The following CPEB4 variants were observed in gnomAD, a reference collection of about 807,000 sequenced individuals.
CPEB4 encodes the protein cytoplasmic polyadenylation element binding protein 4.
A neutral mutation model predicts 72.5 loss-of-function variants in CPEB4; 12 were observed. The ratio of observed to expected loss-of-function variants is 0.17; its 90% confidence interval spans 0.11 to 0.27. The LOEUF (loss-of-function observed/expected upper bound fraction) is 0.27, where lower values mean the gene tolerates loss of function less well. Ranked by LOEUF, CPEB4 falls within the 10% of genes least tolerant of loss-of-function variation. CPEB4 has a pLI of 1.00. For synonymous variants in CPEB4, 302 were observed against 326.3 expected, an observed-to-expected ratio of 0.93 and a Z score of 0.80; for missense variants, 614 against 908.5, an observed-to-expected ratio of 0.68 and a Z score of 4.17.
chr5:173,933,657 C>T (rs1757521022), intron 3 of CPEB4, among the ~76,000 whole-genome samples: 1 of 152,158 alleles, frequency 6.6e-6, no homozygotes, highest in Admixed American at 6.5e-5. Context: ...TATATATATA[C>T]ATGCAGAAGA....
intron 1 of CPEB4, among the ~76,000 whole-genome samples, chr5:173,898,582 C>T (rs1435272107): frequency 6.6e-6 from 1 of 152,192 alleles, no homozygotes; most frequent in Non-Finnish European, 1.5e-5. Flanking sequence ...GAAAGCAACT[C>T]ATCAAACAGA....
chr5:173,891,124 A>C (rs1246148881), intron 1 of CPEB4, among the ~76,000 whole-genome samples: 1 of 150,702 alleles, frequency 6.6e-6, no homozygotes, highest in South Asian at 2.3e-4. Context: ...ATTATTAACT[A>C]TAATACCTTT....
chr5:173,946,957 T>C (rs1011166340), intron 5 of CPEB4, among the ~76,000 whole-genome samples: 2 of 151,954 alleles, frequency 1.3e-5, no homozygotes, highest in African/African-American at 4.8e-5. Context: ...GTTAACCTTT[T>C]TCCCCCCCAA....
At chr5:173,892,291 C>CTTTTTTTT (rs1755842454) in intron 1 of CPEB4, among the ~76,000 whole-genome samples, 1 of 25,202 alleles carries the variant, frequency 4.0e-5, no homozygotes. Context: ...TTTTTTTTTG[C>CTTTTTTTT]CTATCAAAAA....
At position 173,960,462 on chromosome 5, in the gene CPEB4, A is replaced by G. The variant is rs1397303154; in HGVS notation, c.*4325A>G. ...CTTCAGTCATATAAGTACTGTGGCC[A>G]GTGTGCATTCTTATGTAAGCCTATA... On this transcript the variant is annotated 3_prime_UTR_variant, in exon 10 of 10. Transcript: ENST00000265085. 1.3e-5 allele frequency: 2 copies of G among 152,372 alleles called. No homozygotes were observed. Among genetic ancestry groups the G allele is most frequent in the Admixed American group, 6.5e-5 (1 of 15,284 alleles). 9.4% of individuals were successfully genotyped at this position (152,372 alleles called of 1,614,324 possible).
In CPEB4 at chr5:173,961,130, C is replaced by T. The variant is rs767824733; in HGVS notation, c.*4993C>T. ...CTTTCCCAACAGGCAGCTCTTCTAA[C>T]TATAGAGATTACTGAGGGTAAGGGC... On this transcript the variant is annotated 3_prime_UTR_variant, in exon 10 of 10. Coordinates refer to ENST00000265085, the MANE Select transcript of CPEB4 (RefSeq NM_030627.4). 6.6e-6 allele frequency: 1 copy of T among 152,156 alleles called. No individual in the cohort carries two copies. The highest frequency in any genetic ancestry group is 1.5e-5 in the Non-Finnish European group (1 of 68,028). The allele number at this position is 152,156 out of a possible 1,614,324, so 9.4% of individuals were successfully genotyped here.
intron 3 of CPEB4, among the ~76,000 whole-genome samples, chr5:173,934,805 G>A (rs1362755846): frequency 6.6e-6 from 1 of 152,182 alleles, no homozygotes; most frequent in Non-Finnish European, 1.5e-5. Flanking sequence ...AGGGAGGAGA[G>A]GTGTTGAGAA....
chr5:173,940,037 G>A (rs957982697), intron 3 of CPEB4, among the ~76,000 whole-genome samples: 6 of 151,472 alleles, frequency 4.0e-5, no homozygotes, highest in African/African-American at 1.5e-4. Flanking sequence ...GAATCTGGGA[G>A]GCAGAGGTTG....
rs750548380 is a variant in CPEB4, at chr5:173,944,971, G to T, written c.1287G>T (p.Gln429His). Residue 429 changes from glutamine (Q) to histidine (H), a missense_variant, in exon 5 of 10, where the codon CAG (glutamine) becomes CAT (histidine). This residue lies in a region of CPEB4 where 458 missense variants were observed against 548.6 expected (regional missense o/e 0.83). Coordinates refer to ENST00000265085, the MANE Select transcript of CPEB4 (RefSeq NM_030627.4). ...TTTCCCTGCTTTCTATTCCAGGTCAGTCTTCACTGTTTCCAATGGAAGATG... is the reference window on the plus strand; with the variant it reads ...TTTCCCTGCTTTCTATTCCAGGTCATTCTTCACTGTTTCCAATGGAAGATG... ...NARTYGRRRG[Q>H]SSLFPMEDGF... 7 of 1,611,372 alleles carry T rather than the reference G, an allele frequency of 4.3e-6. No homozygotes were observed. The Admixed American group carries it at 6.7e-5, about 15-fold the overall frequency.
chr5:173,917,333 A>G (rs1756903412), intron 2 of CPEB4, among the ~76,000 whole-genome samples: 1 of 152,222 alleles, frequency 6.6e-6, no homozygotes, highest in South Asian at 2.1e-4. Flanking sequence ...GCCTGTGGCA[A>G]AATAAGAACA....
chr5:173,942,428 T>C (rs569500022), intron 3 of CPEB4, among the ~76,000 whole-genome samples: 2 of 152,354 alleles, frequency 1.3e-5, no homozygotes, highest in Non-Finnish European at 2.9e-5. Flanking sequence ...TACAACCTAC[T>C]TGGCAATAAA....
intron 2 of CPEB4, among the ~76,000 whole-genome samples, chr5:173,925,755 A>G (rs1348977899): frequency 6.6e-6 from 1 of 152,230 alleles, no homozygotes; most frequent in Non-Finnish European, 1.5e-5. Context: ...AATATTACTT[A>G]TGACGGTATA....
chr5:173,909,223 A>G (rs1369619558), intron 1 of CPEB4, among the ~76,000 whole-genome samples: 1 of 152,188 alleles, frequency 6.6e-6, no homozygotes, highest in Admixed American at 6.5e-5. Flanking sequence ...TAATTTTGCA[A>G]GTTGAGAGTA....
At chr5:173,919,956 A>G (rs1250860718) in intron 2 of CPEB4, among the ~76,000 whole-genome samples, 1 of 152,206 alleles carries the variant, frequency 6.6e-6, no homozygotes, top group Non-Finnish European at 1.5e-5. Context: ...GGAGAGAGAA[A>G]ATTCTCTGAA....
intron 1 of CPEB4, among the ~76,000 whole-genome samples, chr5:173,905,087 G>A (rs912087388): frequency 1.3e-5 from 2 of 151,562 alleles, no homozygotes; most frequent in African/African-American, 4.8e-5. Flanking sequence ...AATAATATCA[G>A]GTGCTTAGTA....
At chr5:173,919,018 T>A (rs113771020) in intron 2 of CPEB4, among the ~76,000 whole-genome samples, 7 of 152,174 alleles carry the variant, frequency 4.6e-5, no homozygotes, top group South Asian at 4.1e-4. Flanking sequence ...TATTAGAAGG[T>A]TAAACATACA....
chr5:173,951,562 A>G (rs990550575), intron 7 of CPEB4, among the ~76,000 whole-genome samples: 1 of 152,202 alleles, frequency 6.6e-6, no homozygotes, highest in African/African-American at 2.4e-5. Flanking sequence ...CAGTGAATTA[A>G]CTTACAAATA....
chr5:173,899,554 C>T (rs1756148804), intron 1 of CPEB4, among the ~76,000 whole-genome samples: 2 of 152,104 alleles, frequency 1.3e-5, no homozygotes, highest in South Asian at 4.1e-4. Context: ...CCAGTTAAAG[C>T]ACCCAAATAC....
chr5:173,940,292 C>T (rs1757791299), intron 3 of CPEB4, among the ~76,000 whole-genome samples: 1 of 152,122 alleles, frequency 6.6e-6, no homozygotes, highest in East Asian at 1.9e-4. Context: ...GTTTGGCTGA[C>T]TTAGAACTTT....
Sources: allele counts gnomAD v4.1 joint callset (sites outside exome capture counted in the v4.1 genomes callset), GRCh38; gene constraint gnomAD v4.1.1; regional missense constraint gnomAD v4.1.1; transcripts MANE v1.5; gene names NCBI Gene and HGNC (gene_info 2026-07-23, HGNC 2026-07-21).